The following MEI1 variants were observed in gnomAD, a reference collection of about 807,000 sequenced individuals.
MEI1 encodes meiosis inhibitor protein 1.
MEI1 carries 103 observed loss-of-function variants against 146.2 expected under a neutral mutation model. The observed-to-expected ratio is 0.70, with a 90% CI of 0.60 to 0.83. The LOEUF is 0.83. MEI1 is among the 40% of genes least tolerant of loss of function. The probability of loss-of-function intolerance (pLI) is 0.00; values close to 1 mark genes in which losing one functional copy is unlikely to be tolerated. For missense variants in MEI1, 1,529 were observed against 1,533.0 expected (o/e 1.00, Z 0.04); for synonymous variants, 652 against 628.2 (o/e 1.04, Z -0.57).
intron 6 of MEI1, among the ~76,000 whole-genome samples, chr22:41,719,044 G>T (rs531051012): frequency 6.8e-6 from 1 of 146,014 alleles, no homozygotes; most frequent in East Asian, 2.0e-4. Context: ...CTGCAGTGGC[G>T]CAATCTTGGC....
At chr22:41,751,235 G>T (rs1418300249) in intron 15 of MEI1, among the ~76,000 whole-genome samples, 2 of 152,176 alleles carry the variant, frequency 1.3e-5, no homozygotes, top group Non-Finnish European at 2.9e-5. Context: ...GGGTTAAATT[G>T]TTGCCCCAGA....
chr22:41,779,031 A>C (rs1364051332), intron 22 of MEI1, among the ~76,000 whole-genome samples: 1 of 152,028 alleles, frequency 6.6e-6, no homozygotes, highest in African/African-American at 2.4e-5. Flanking sequence ...CTCTGCAAAA[A>C]ATCAGCATTA....
chr22:41,794,577 A>T, intron 28 of MEI1, 100 bp downstream of exon 28: 1 of 932,296 alleles, frequency 1.1e-6, no homozygotes, highest in Non-Finnish European at 1.7e-6. Context: ...CTAATCCTTA[A>T]AGAAGGTGGA....
At chr22:41,789,990 T>A (rs958003736) in intron 26 of MEI1, among the ~76,000 whole-genome samples, 17 of 152,246 alleles carry the variant, frequency 1.1e-4, no homozygotes, top group African/African-American at 4.1e-4. Flanking sequence ...TCAGCCACAA[T>A]GTCCCCTCTG....
At position 41,701,748 on chromosome 22, in the gene MEI1, G is replaced by A. The variant is rs938772805; in HGVS notation, c.175-1583G>A. 2.6e-5 allele frequency among the ~76,000 whole-genome samples: 4 copies of A among 152,312 alleles called. No homozygotes were observed. The East Asian group carries it at 7.7e-4, about 29-fold the overall frequency. On this transcript the variant is annotated intron_variant, in intron 1 of 30. Transcript: ENST00000401548. ...TGTAGTCAAGTGCTGTTCAGGGTAAGGAGAGGAATTAGGAAAGGTTTCTTA... is the reference window on the plus strand; with the variant it reads ...TGTAGTCAAGTGCTGTTCAGGGTAAAGAGAGGAATTAGGAAAGGTTTCTTA...
intron 15 of MEI1, among the ~76,000 whole-genome samples, chr22:41,750,447 GC>G (rs2073672783): frequency 6.6e-6 from 1 of 152,236 alleles, no homozygotes; most frequent in East Asian, 1.9e-4. Context: ...GGCCGGAGCA[GC>G]TTCTGTGGGA....
At chr22:41,743,229 A>T in intron 12 of MEI1, 35 bp downstream of exon 12, 1 of 1,468,842 alleles carries the variant, frequency 6.8e-7, no homozygotes, top group Non-Finnish European at 9.5e-7. Context: ...TCCGAAGATC[A>T]TGCTGCAGTG....
intron 26 of MEI1, among the ~76,000 whole-genome samples, chr22:41,785,980 G>A (rs1056776746): frequency 2.2e-5 from 3 of 137,468 alleles, no homozygotes; most frequent in South Asian, 2.3e-4. Context: ...GCGCGATCTC[G>A]GCTCACTGCA....
At chr22:41,726,234 A>C (rs2071344341) in intron 7 of MEI1, among the ~76,000 whole-genome samples, 1 of 146,052 alleles carries the variant, frequency 6.8e-6, no homozygotes, top group South Asian at 2.1e-4. Flanking sequence ...AAGAAAAGAA[A>C]AGAACTGACT....
In MEI1 at chr22:41,721,713, C is replaced by T. The variant is rs1225403628; in HGVS notation, c.734-2230C>T. Among the ~76,000 whole-genome samples, 8 of 136,664 alleles carry T rather than the reference C, an allele frequency of 5.9e-5. No homozygotes were observed. The East Asian group carries it at 1.8e-3, about 31-fold the overall frequency. 89.7% of individuals were successfully genotyped at this position (136,664 alleles called of 152,430 possible). A position where few individuals can be genotyped will look rare whatever the true frequency, so the allele number is the denominator to read the frequency against. ...CAGCCAGAATTCCCGTTTTTAAATG[C>T]TACCCCTTTTTTTTTTTTTTTTTTT... On this transcript the variant is annotated intron_variant, in intron 6 of 30. Transcript: ENST00000401548.
Position 41,705,708 on chromosome 22 carries a change from CTTTTTTT to C in MEI1, c.349+165_349+171del, listed in dbSNP as rs10568131. 2.9e-3 allele frequency among the ~76,000 whole-genome samples: 401 copies of C among 137,032 alleles called. 4 individuals carry two copies. The highest frequency in any genetic ancestry group is 1.0e-2 in the African/African-American group (364 of 36,452). The allele number at this position is 137,032 out of a possible 152,430, so 89.9% of individuals were successfully genotyped here. ...TCACTAATTCAACATTTGTTTTTTA[CTTTTTTT>C]TTTTTTTTTTGAGACGGAATCTTGC... On this transcript the variant is annotated intron_variant, in intron 3 of 30. Coordinates refer to ENST00000401548, the MANE Select transcript of MEI1 (RefSeq NM_152513.4).
At position 41,770,401 on chromosome 22, in the gene MEI1, C is replaced by T. The variant is rs2075108755; in HGVS notation, c.2269-285C>T. ...TAGGATATTTAGCAGCATCCCCACT[C>T]TCTCCCTACTAGATCCCAATAGCAT... is the stretch of plus-strand genomic sequence containing the variant. On this transcript the variant is annotated intron_variant, in intron 19 of 30. Transcript: ENST00000401548. 2.0e-5 allele frequency among the ~76,000 whole-genome samples: 3 copies of T among 152,006 alleles called. No individual in the cohort carries two copies. In the South Asian group the frequency reaches 6.2e-4, roughly 32 times the overall value.
chr22:41,701,534 G>A (rs2068725143), intron 1 of MEI1, among the ~76,000 whole-genome samples: 4 of 152,146 alleles, frequency 2.6e-5, no homozygotes, highest in Admixed American at 2.6e-4. Flanking sequence ...TCTGGGAAGT[G>A]TTTTAGGCAC....
intron 6 of MEI1, among the ~76,000 whole-genome samples, chr22:41,722,321 T>C (rs756066158): frequency 6.6e-6 from 1 of 151,972 alleles, no homozygotes; most frequent in Non-Finnish European, 1.5e-5. Flanking sequence ...TTTTTAAAGA[T>C]GGGACCTGTT....
chr22:41,769,827 G>A lies in MEI1; in HGVS notation c.2269-859G>A, dbSNP rs1304280120. On this transcript the variant is annotated intron_variant, in intron 19 of 30. Coordinates refer to ENST00000401548, the MANE Select transcript of MEI1 (RefSeq NM_152513.4). Reference sequence around the variant, plus strand: ...GAATGCAATGGGAAGAGGTAGGTTTGTGAGGAGTAAGAAATTATTCAACAA... The same window carrying A: ...GAATGCAATGGGAAGAGGTAGGTTTATGAGGAGTAAGAAATTATTCAACAA... 2.0e-5 allele frequency among the ~76,000 whole-genome samples: 3 copies of A among 151,968 alleles called. No individual in the cohort carries two copies. The East Asian group carries it at 5.9e-4, about 30-fold the overall frequency.
intron 19 of MEI1, among the ~76,000 whole-genome samples, chr22:41,766,301 AG>A (rs1469827796): frequency 6.6e-6 from 1 of 151,826 alleles, no homozygotes; most frequent in Non-Finnish European, 1.5e-5. Context: ...TGCCCCAAGT[AG>A]CTGGGATTAC....
chr22:41,720,629 A>G (rs1336627860), intron 6 of MEI1, among the ~76,000 whole-genome samples: 1 of 137,814 alleles, frequency 7.3e-6, no homozygotes, highest in Non-Finnish European at 1.5e-5. Context: ...GGAGTCTGGC[A>G]CAGTTGCCCA....
chr22:41,724,157 C>G lies in MEI1; in HGVS notation c.864+84C>G, dbSNP rs987868655. On this transcript the variant is annotated intron_variant, in intron 7 of 30. Coordinates refer to ENST00000401548, the MANE Select transcript of MEI1 (RefSeq NM_152513.4). ...TTGGGCCTTGTCTTCATCTACCACT[C>G]CTATCTCAGATTTCCAAGTGTTTTC... is the stretch of plus-strand genomic sequence containing the variant. 19 of 1,502,222 alleles carry G rather than the reference C, an allele frequency of 1.3e-5. No homozygotes were observed. The African/African-American group carries it at 2.2e-4, about 18-fold the overall frequency. 93.1% of individuals were successfully genotyped at this position (1,502,222 alleles called of 1,614,324 possible).
chr22:41,709,454 CT>C, intron 3 of MEI1: 1 of 671,746 alleles, frequency 1.5e-6, no homozygotes, highest in South Asian at 1.4e-5. Context: ...GCTTTATCTC[CT>C]TTAGCATCAC....
Sources: allele counts gnomAD v4.1 joint callset (sites outside exome capture counted in the v4.1 genomes callset), GRCh38; gene constraint gnomAD v4.1.1; transcripts MANE v1.5; gene names NCBI Gene and HGNC (gene_info 2026-07-23, HGNC 2026-07-21).